The following MDGA2 variants were observed in gnomAD, a reference collection of about 807,000 sequenced individuals.
MDGA2 encodes the protein MAM domain containing glycosylphosphatidylinositol anchor 2.
A neutral mutation model predicts 117.8 loss-of-function variants in MDGA2; 40 were observed. The observed-to-expected ratio is 0.34, with a 90% CI of 0.26 to 0.44. The LOEUF (loss-of-function observed/expected upper bound fraction) is 0.44, where lower values mean the gene tolerates loss of function less well. Ranked by LOEUF, MDGA2 falls within the 20% of genes least tolerant of loss-of-function variation. The probability of loss-of-function intolerance (pLI) is 1.00; values close to 1 mark genes in which losing one functional copy is unlikely to be tolerated. For synonymous variants in MDGA2, 452 were observed against 439.0 expected (o/e 1.03, Z -0.37); for missense variants, 1,123 against 1,250.6 (o/e 0.90, Z 1.54).
At chr14:47,036,335 A>G (rs1888855787) in intron 7 of MDGA2, among the ~76,000 whole-genome samples, 1 of 151,940 alleles carries the variant, frequency 6.6e-6, no homozygotes, top group Non-Finnish European at 1.5e-5. Context: ...TCTGATTTAC[A>G]GAGAATATTT....
intron 1 of MDGA2, among the ~76,000 whole-genome samples, chr14:47,322,812 A>G (rs182585237): frequency 2.3e-4 from 35 of 152,290 alleles, no homozygotes; most frequent in African/African-American, 7.2e-4. Flanking sequence ...TCAAAATCAT[A>G]AAGCCAAAAT....
rs149492582 is a variant in MDGA2 at position 46,943,747 on chromosome 14, A to G, written c.2089+13627T>C. On this transcript the variant is annotated intron_variant, in intron 9 of 16. Coordinates refer to ENST00000399232, the MANE Select transcript of MDGA2 (RefSeq NM_001113498.3). ...AATATGCTGTGAACCCTAAATTACA[A>G]TGTTGTTATTTTTTCTTCAAACTGG... 2.7e-3 allele frequency among the ~76,000 whole-genome samples: 412 copies of G among 152,124 alleles called. 2 individuals carry two copies. Among genetic ancestry groups the G allele is most frequent in the African/African-American group, 9.4e-3 (389 of 41,550 alleles).
chr14:47,375,112 A>T (rs1297708929), intron 1 of MDGA2, among the ~76,000 whole-genome samples: 2 of 151,600 alleles, frequency 1.3e-5, no homozygotes, highest in Admixed American at 1.3e-4. Flanking sequence ...TTTTTAGAAA[A>T]CTATAAAAAT....
chr14:47,576,958 C>T (rs1162651874), intron 1 of MDGA2, among the ~76,000 whole-genome samples: 1 of 152,084 alleles, frequency 6.6e-6, no homozygotes, highest in Non-Finnish European at 1.5e-5. Context: ...ACTATATTGC[C>T]CAGGCTGGTC....
chr14:47,626,574 A>G (rs986657369), intron 1 of MDGA2: 2 of 152,552 alleles, frequency 1.3e-5, no homozygotes, highest in Admixed American at 6.5e-5. Flanking sequence ...GCAGGCGGGA[A>G]TCGGGGGCTG....
At chr14:47,088,287 A>G (rs1373375531) in intron 6 of MDGA2, among the ~76,000 whole-genome samples, 2 of 152,106 alleles carry the variant, frequency 1.3e-5, no homozygotes, top group African/African-American at 4.8e-5. Flanking sequence ...ACAAAGTAAT[A>G]TAATAACATT....
intron 6 of MDGA2, among the ~76,000 whole-genome samples, chr14:47,094,652 T>A (rs1053449256): frequency 6.6e-6 from 1 of 152,052 alleles, no homozygotes; most frequent in Non-Finnish European, 1.5e-5. Context: ...TAAGGATAGA[T>A]GTTGCAGTAC....
intron 1 of MDGA2, among the ~76,000 whole-genome samples, chr14:47,537,574 TAAAAAAAAAAAAAAAAAAA>T (rs58060138): frequency 1.3e-3 from 46 of 36,642 alleles, no homozygotes; most frequent in Admixed American, 2.6e-3. Flanking sequence ...TTCTCTCTGT[TAAAAAAAAAAAAAAAAAAA>T]AAAAAAAAAA....
intron 1 of MDGA2, among the ~76,000 whole-genome samples, chr14:47,483,839 T>C (rs1439704879): frequency 6.6e-6 from 1 of 152,150 alleles, no homozygotes; most frequent in Non-Finnish European, 1.5e-5. Flanking sequence ...CATGATATTA[T>C]AAAGACAAGA....
chr14:47,166,118 C>A (rs1566660035), intron 3 of MDGA2, among the ~76,000 whole-genome samples: 1 of 150,606 alleles, frequency 6.6e-6, no homozygotes, highest in South Asian at 2.1e-4. Context: ...TCACTGCAAC[C>A]TCCATCTCCT....
chr14:47,191,141 T>C (rs1011971601), intron 3 of MDGA2, among the ~76,000 whole-genome samples: 2 of 151,286 alleles, frequency 1.3e-5, no homozygotes, highest in African/African-American at 4.8e-5. Flanking sequence ...TATACATATC[T>C]GTGTGTGTGT....
At chr14:47,004,698 T>C (rs1224579512) in intron 8 of MDGA2, among the ~76,000 whole-genome samples, 1 of 151,768 alleles carries the variant, frequency 6.6e-6, no homozygotes, top group East Asian at 1.9e-4. Flanking sequence ...AATATCACAA[T>C]TTGCGAATAA....
At chr14:47,087,072 T>G (rs1252536184) in intron 6 of MDGA2, among the ~76,000 whole-genome samples, 1 of 152,142 alleles carries the variant, frequency 6.6e-6, no homozygotes, top group Non-Finnish European at 1.5e-5. Context: ...CTGATGTAAA[T>G]AACCAATACA....
chr14:47,530,900 T>A (rs1895084757), intron 1 of MDGA2, among the ~76,000 whole-genome samples: 1 of 152,112 alleles, frequency 6.6e-6, no homozygotes, highest in Non-Finnish European at 1.5e-5. Flanking sequence ...ATAAGTAAAT[T>A]AAGTTCATGT....
intron 1 of MDGA2, among the ~76,000 whole-genome samples, chr14:47,530,570 CA>C (rs977644674): frequency 6.6e-6 from 1 of 152,152 alleles, no homozygotes; most frequent in Non-Finnish European, 1.5e-5. Flanking sequence ...CTAAATCCCT[CA>C]TTAACTTACC....
At chr14:46,874,713 G>A (rs1882153934) in intron 12 of MDGA2, among the ~76,000 whole-genome samples, 1 of 151,730 alleles carries the variant, frequency 6.6e-6, no homozygotes, top group Admixed American at 6.6e-5. Context: ...AAATTATTTT[G>A]AAAAGTATTT....
intron 6 of MDGA2, among the ~76,000 whole-genome samples, chr14:47,091,905 A>G (rs61991264): frequency 0.17 from 25,415 of 152,064 alleles, 2,442 homozygotes; most frequent in East Asian, 0.31. Context: ...TACCTGAATG[A>G]CCACATGGAA....
intron 8 of MDGA2, among the ~76,000 whole-genome samples, chr14:46,984,189 C>G (rs1357532646): frequency 2.6e-5 from 4 of 151,886 alleles, no homozygotes; most frequent in African/African-American, 9.7e-5. Flanking sequence ...AAATCATATA[C>G]TCAGTATTTC....
At chr14:47,176,903 C>A (rs1884480529) in intron 3 of MDGA2, among the ~76,000 whole-genome samples, 1 of 152,172 alleles carries the variant, frequency 6.6e-6, no homozygotes, top group Non-Finnish European at 1.5e-5. Context: ...ACCTACTCAT[C>A]TGACAAAGGG....
Sources: allele counts gnomAD v4.1 joint callset (sites outside exome capture counted in the v4.1 genomes callset), GRCh38; gene constraint gnomAD v4.1.1; transcripts MANE v1.5; gene names NCBI Gene and HGNC (gene_info 2026-07-23, HGNC 2026-07-21).